Variants in NAALADL2 observed in about 807,000 individuals in gnomAD.
The protein encoded by NAALADL2 is inactive N-acetylated-alpha-linked acidic dipeptidase-like protein 2.
NAALADL2 carries 76 observed loss-of-function variants against 87.2 expected under a neutral mutation model. The ratio of observed to expected loss-of-function variants is 0.87; its 90% CI spans 0.72 to 1.05. The LOEUF (loss-of-function observed/expected upper bound fraction) is 1.05. Ranked by LOEUF, NAALADL2 falls within the 50% of genes least tolerant of loss-of-function variation. The probability of loss-of-function intolerance (pLI) is 0.00; values close to 1 mark genes in which losing one functional copy is unlikely to be tolerated. For missense variants in NAALADL2, 1,089 were observed against 945.8 expected, an observed-to-expected ratio of 1.15 and a Z score of -1.99; for synonymous variants, 354 against 331.0, an observed-to-expected ratio of 1.07 and a Z score of -0.75.
chr3:174,657,635 C>A (rs1484403245), intron 2 of NAALADL2, among the ~76,000 whole-genome samples: 1 of 152,102 alleles, frequency 6.6e-6, no homozygotes, highest in East Asian at 1.9e-4. Context: ...CATTATCACC[C>A]AAAGGGCATA....
chr3:175,097,644 A>G (rs1721388263), intron 2 of NAALADL2, among the ~76,000 whole-genome samples: 1 of 152,170 alleles, frequency 6.6e-6, no homozygotes, highest in African/African-American at 2.4e-5. Context: ...CATTAGCCAT[A>G]TGATTAAAAA....
At chr3:175,031,251 T>C (rs569069719) in intron 1 of NAALADL2, among the ~76,000 whole-genome samples, 3 of 151,922 alleles carry the variant, frequency 2.0e-5, no homozygotes, top group Admixed American at 1.3e-4. Flanking sequence ...TGGTACCCAA[T>C]AGGTAATTTT....
chr3:174,985,154 T>C (rs1745683518), intron 1 of NAALADL2, among the ~76,000 whole-genome samples: 1 of 152,198 alleles, frequency 6.6e-6, no homozygotes, highest in Non-Finnish European at 1.5e-5. Context: ...ACCACAAACA[T>C]TGTTTGATAT....
At chr3:175,313,312 C>T (rs1204315415) in intron 4 of NAALADL2, among the ~76,000 whole-genome samples, 1 of 152,080 alleles carries the variant, frequency 6.6e-6, no homozygotes, top group Non-Finnish European at 1.5e-5. Context: ...CAGTCCATAA[C>T]AGTGAGACTT....
chr3:175,216,568 C>A (rs1742546838), intron 2 of NAALADL2, among the ~76,000 whole-genome samples: 1 of 151,188 alleles, frequency 6.6e-6, no homozygotes, highest in Non-Finnish European at 1.5e-5. Context: ...GGATGGAGGT[C>A]TTTAGTGAGG....
At chr3:175,021,209 G>A (rs562242240) in intron 1 of NAALADL2, among the ~76,000 whole-genome samples, 6 of 152,076 alleles carry the variant, frequency 3.9e-5, no homozygotes, top group Admixed American at 1.3e-4. Flanking sequence ...CCGAATATAC[G>A]CAATTTGTCC....
Position 175,627,273 on chromosome 3 carries a change from T to C in NAALADL2, c.1801-18T>C. On this transcript the variant is annotated intron_variant, in intron 10 of 13. Coordinates refer to ENST00000454872, the MANE Select transcript of NAALADL2 (RefSeq NM_207015.3). ...ATCGATAAAGAGTTTTAAATGTTTC[T>C]TTTTTGATTTGCCGCAGGGTCCAAG... The C allele has an allele frequency of 6.5e-7, 1 of 1,530,372 alleles. No homozygotes were observed. The highest frequency in any genetic ancestry group is 8.8e-7 in the Non-Finnish European group (1 of 1,132,198). The allele number at this position is 1,530,372 out of a possible 1,614,324, so 94.8% of individuals were successfully genotyped here.
chr3:175,288,928 CAA>C (rs1309761321), intron 4 of NAALADL2, among the ~76,000 whole-genome samples: 1 of 151,936 alleles, frequency 6.6e-6, no homozygotes, highest in Non-Finnish European at 1.5e-5. Flanking sequence ...CTTAGGAGGT[CAA>C]AAGAGACAAA....
chr3:175,746,880 C>T (rs1404654852), intron 12 of NAALADL2, among the ~76,000 whole-genome samples: 1 of 152,152 alleles, frequency 6.6e-6, no homozygotes, highest in Non-Finnish European at 1.5e-5. Flanking sequence ...CAGGAACTCT[C>T]TCAAATGCCA....
intron 1 of NAALADL2, among the ~76,000 whole-genome samples, chr3:174,937,294 C>T (rs1479646055): frequency 1.3e-5 from 2 of 151,928 alleles, no homozygotes; most frequent in Non-Finnish European, 2.9e-5. Flanking sequence ...TGGATAATTA[C>T]AATTAGGATA....
intron 5 of NAALADL2, among the ~76,000 whole-genome samples, chr3:175,347,093 T>C (rs887184899): frequency 3.3e-5 from 5 of 152,168 alleles, no homozygotes; most frequent in Non-Finnish European, 1.5e-5. Context: ...CTGCTGCTAT[T>C]ACATTGGGCT....
intron 2 of NAALADL2, among the ~76,000 whole-genome samples, chr3:174,600,715 A>G (rs942977587): frequency 6.6e-6 from 1 of 152,094 alleles, no homozygotes; most frequent in Non-Finnish European, 1.5e-5. Flanking sequence ...TTAAGTCATG[A>G]CAGATAAGAA....
chr3:175,595,119 T>C (rs1474979704), intron 10 of NAALADL2, among the ~76,000 whole-genome samples: 1 of 152,168 alleles, frequency 6.6e-6, no homozygotes, highest in Non-Finnish European at 1.5e-5. Flanking sequence ...CTAGGATTTT[T>C]ATAGCTTGAG....
intron 2 of NAALADL2, among the ~76,000 whole-genome samples, chr3:174,588,096 C>G (rs1405870199): frequency 6.6e-6 from 1 of 151,580 alleles, no homozygotes; most frequent in Non-Finnish European, 1.5e-5. Flanking sequence ...CTGTAAACTT[C>G]TCTTCTCACT....
At chr3:174,603,894 T>G (rs1308931420) in intron 2 of NAALADL2, among the ~76,000 whole-genome samples, 1 of 152,168 alleles carries the variant, frequency 6.6e-6, no homozygotes, top group Admixed American at 6.5e-5. Flanking sequence ...TGTTATTCAT[T>G]TCTACTTTTA....
At chr3:175,684,268 T>C (rs1040714646) in intron 11 of NAALADL2, among the ~76,000 whole-genome samples, 1 of 152,154 alleles carries the variant, frequency 6.6e-6, no homozygotes, top group African/African-American at 2.4e-5. Context: ...AATATCCAAA[T>C]GGAGCAATGT....
chr3:174,791,044 AAG>A (rs1382274450), intron 3 of NAALADL2, among the ~76,000 whole-genome samples: 1 of 152,216 alleles, frequency 6.6e-6, no homozygotes, highest in African/African-American at 2.4e-5. Flanking sequence ...GTGGTGAAAC[AAG>A]AGTTATTACT....
At position 175,256,503 on chromosome 3, in the gene NAALADL2, A is replaced by C; in HGVS notation, c.912A>C (p.Lys304Asn). 6.2e-7 allele frequency: 1 copy of C among 1,612,714 alleles called. No homozygotes were observed. Among genetic ancestry groups the C allele is most frequent in the Non-Finnish European group, 8.5e-7 (1 of 1,179,390 alleles). ...KNVTNQIALL[K>N]LGKLPLLYKL... is the part of the protein sequence containing the mutation. ...TAACAAATCAGATCGCACTCCTGAA[A>C]TTAGGAAAATTGCCACTGCTTTATA... The change falls in exon 4 of 14, where the codon AAA becomes AAC. Residue 304 changes from lysine (K) to asparagine (N), a missense_variant. Transcript: ENST00000454872.
chr3:175,207,082 C>T (rs111619876), intron 2 of NAALADL2, among the ~76,000 whole-genome samples: 13 of 151,868 alleles, frequency 8.6e-5, no homozygotes, highest in South Asian at 6.2e-4. Flanking sequence ...AACATAAAGA[C>T]GGGTTGAATG....
Sources: allele counts gnomAD v4.1 joint callset (sites outside exome capture counted in the v4.1 genomes callset), GRCh38; gene constraint gnomAD v4.1.1; transcripts MANE v1.5; gene names NCBI Gene and HGNC (gene_info 2026-07-23, HGNC 2026-07-21).